The following ITPRID2 variants were observed in gnomAD, a reference collection of about 807,000 sequenced individuals.
The protein encoded by ITPRID2 is protein ITPRID2.
A neutral mutation model predicts 124.3 loss-of-function variants in ITPRID2; 60 were observed. The observed-to-expected ratio is 0.48, with a 90% CI of 0.39 to 0.60. The LOEUF (loss-of-function observed/expected upper bound fraction) is 0.60, where lower values mean the gene tolerates loss of function less well. ITPRID2 is among the 20% of genes least tolerant of loss of function. The probability of loss-of-function intolerance (pLI) is 0.00; values close to 1 mark genes in which losing one functional copy is unlikely to be tolerated. For missense variants in ITPRID2, 1,553 were observed against 1,512.2 expected (o/e 1.03, Z -0.45); for synonymous variants, 521 against 542.9 (o/e 0.96, Z 0.56).
intron 9 of ITPRID2, among the ~76,000 whole-genome samples, chr2:181,913,178 C>T (rs1490953572): frequency 6.6e-6 from 1 of 152,150 alleles, no homozygotes; most frequent in Admixed American, 6.5e-5. Context: ...CTCCATTCTC[C>T]TGCCTCAGCC....
At chr2:181,921,491 A>C (rs1428146222) in intron 15 of ITPRID2, among the ~76,000 whole-genome samples, 2 of 152,142 alleles carry the variant, frequency 1.3e-5, no homozygotes, top group Non-Finnish European at 2.9e-5. Context: ...AAAAAAAAGA[A>C]AATTGATTTT....
At chr2:181,903,198 A>G (rs187175065) in intron 8 of ITPRID2, among the ~76,000 whole-genome samples, 2 of 152,242 alleles carry the variant, frequency 1.3e-5, no homozygotes, top group African/African-American at 4.8e-5. Flanking sequence ...GGGCAGGAAA[A>G]CTGATTTTAC....
At position 181,891,838 on chromosome 2, in the gene ITPRID2, C is replaced by CTCGGGCCACTA. The variant is rs1195693533; in HGVS notation, c.-229_-228insTCGGGCCACTA. On this transcript the variant is annotated 5_prime_UTR_variant, in exon 1 of 18. Coordinates refer to ENST00000431877, the MANE Select transcript of ITPRID2 (RefSeq NM_001130445.3). ...CGCTCCCTCGGGCCACTAGCGCTCC[C>CTCGGGCCACTA]GCGCGCGCCCGGCCGCCTTCATGTG... The CTCGGGCCACTA allele has an allele frequency of 9.4e-6, 3 of 318,990 alleles. No homozygotes were observed. Among genetic ancestry groups the CTCGGGCCACTA allele is most frequent in the Non-Finnish European group, 1.5e-5 (3 of 199,456 alleles). 19.8% of individuals were successfully genotyped at this position (318,990 alleles called of 1,614,324 possible).
chr2:181,916,425 C>G lies in ITPRID2; in HGVS notation c.2785C>G (p.Gln929Glu), dbSNP rs1291839148. 6.2e-7 allele frequency: 1 copy of G among 1,610,468 alleles called. No individual in the cohort carries two copies. Among genetic ancestry groups the G allele is most frequent in the South Asian group, 1.1e-5 (1 of 90,850 alleles). The change falls in exon 11 of 18, where the codon CAG becomes GAG. Residue 929 changes from glutamine to glutamate, a missense_variant and splice_region_variant. Coordinates refer to ENST00000431877, the MANE Select transcript of ITPRID2 (RefSeq NM_001130445.3). ...DIRNSLQNLS[Q>E]YPMMRGPDPA... ...TAGAAACTCACTGCAGAATCTTTCACAGGTATGAGAAAAAGTATGTTATCA... is the reference window on the plus strand; with the variant it reads ...TAGAAACTCACTGCAGAATCTTTCAGAGGTATGAGAAAAAGTATGTTATCA...
intron 15 of ITPRID2, 96 bp downstream of exon 15, chr2:181,920,758 A>G (rs890443182): frequency 9.9e-6 from 9 of 911,468 alleles, no homozygotes; most frequent in African/African-American, 1.7e-5. Context: ...TGTTTATTTT[A>G]AATACATAAT....
rs139261117 is a variant in ITPRID2 at position 181,909,889 on chromosome 2, T to C, written c.1414-10T>C. ...TCATTTGGTTTTAACTACTTAAAAC[T>C]CTTCTTAAGGTTCAAAGTACGGAGG... On this transcript the variant is annotated splice_polypyrimidine_tract_variant and intron_variant, in intron 8 of 17. Transcript: ENST00000431877. The C allele has an allele frequency of 6.1e-5, 98 of 1,611,336 alleles. 1 individual carries two copies. The East Asian group carries it at 1.6e-3, about 26-fold the overall frequency.
chr2:181,895,876 T>C (rs1342142557), intron 2 of ITPRID2, among the ~76,000 whole-genome samples, 154 bp from the exon 3 acceptor site: 2 of 152,074 alleles, frequency 1.3e-5, no homozygotes, highest in African/African-American at 2.4e-5. Flanking sequence ...ATATTACTTA[T>C]GTAATCTACT....
At chr2:181,921,834 T>A (rs1694500987) in intron 15 of ITPRID2, 114 bp from the exon 16 acceptor site, 4 of 909,930 alleles carry the variant, frequency 4.4e-6, no homozygotes, top group Non-Finnish European at 6.6e-6. Flanking sequence ...GGAATAGATT[T>A]ATGTCTTTAC....
chr2:181,928,118 A>T (rs1183779347), intron 16 of ITPRID2, 43 bp from the exon 17 acceptor site: 1 of 1,307,222 alleles, frequency 7.6e-7, no homozygotes, highest in African/African-American at 1.5e-5. Flanking sequence ...AATGAATTCC[A>T]TTCATATTGG....
At chr2:181,928,125 T>G in intron 16 of ITPRID2, 36 bp from the exon 17 acceptor site, 1 of 1,345,052 alleles carries the variant, frequency 7.4e-7, no homozygotes, top group Non-Finnish European at 1.0e-6. Context: ...TCCATTCATA[T>G]TGGTAAATTT....
At chr2:181,895,394 A>T (rs565648366) in intron 2 of ITPRID2, among the ~76,000 whole-genome samples, 1 of 152,228 alleles carries the variant, frequency 6.6e-6, no homozygotes, top group East Asian at 1.9e-4. Flanking sequence ...TTGATTCTCA[A>T]GTCAACTTTT....
intron 16 of ITPRID2, among the ~76,000 whole-genome samples, chr2:181,923,501 G>A (rs1694633987): frequency 6.6e-6 from 1 of 151,896 alleles, no homozygotes; most frequent in Non-Finnish European, 1.5e-5. Context: ...TTGTAAATTG[G>A]TTTTGGCTGC....
At position 181,907,620 on chromosome 2, in the gene ITPRID2, C is replaced by T. The variant is rs562587325; in HGVS notation, c.1414-2279C>T. On this transcript the variant is annotated intron_variant, in intron 8 of 17. Coordinates refer to ENST00000431877, the MANE Select transcript of ITPRID2 (RefSeq NM_001130445.3). The surrounding 1 kb of genome is among the most constrained non-coding windows in gnomAD (Gnocchi z 5.1). ...CTTATAGCAAATGACCAGAATTCTA[C>T]GGAGCATTTGAAACCACTGAATAGG... Among the ~76,000 whole-genome samples the T allele has an allele frequency of 2.3e-4, 35 of 152,198 alleles. No homozygotes were observed. The East Asian group carries it at 4.6e-3, about 20-fold the overall frequency.
chr2:181,900,278 A>G (rs1030390886), intron 6 of ITPRID2, among the ~76,000 whole-genome samples: 4 of 152,222 alleles, frequency 2.6e-5, no homozygotes, highest in African/African-American at 9.6e-5. Context: ...CAAGGATAAC[A>G]GAAAAGCTCA....
intron 8 of ITPRID2, among the ~76,000 whole-genome samples, chr2:181,906,147 A>T (rs1050642792): frequency 5.9e-5 from 9 of 152,136 alleles, no homozygotes; most frequent in Non-Finnish European, 1.2e-4. Context: ...ACGGAAAGAG[A>T]TACTTTATTC....
chr2:181,929,718 T>G lies in ITPRID2; in HGVS notation c.*171T>G. ...TTCAACCATATATTTTAAAAAGACGTACATAGAAACTTAGGCACTTTGCTA... is the reference window on the plus strand; with the variant it reads ...TTCAACCATATATTTTAAAAAGACGGACATAGAAACTTAGGCACTTTGCTA... On this transcript the variant is annotated 3_prime_UTR_variant, in exon 18 of 18. Coordinates refer to ENST00000431877, the MANE Select transcript of ITPRID2 (RefSeq NM_001130445.3). The G allele has an allele frequency of 1.6e-6, 2 of 1,223,262 alleles. No individual in the cohort carries two copies. Among genetic ancestry groups the G allele is most frequent in the African/African-American group, 3.1e-5 (2 of 65,436 alleles). The allele number at this position is 1,223,262 out of a possible 1,614,324, so 75.8% of individuals were successfully genotyped here. A position where few individuals can be genotyped will look rare whatever the true frequency, so the allele number is the denominator to read the frequency against.
In ITPRID2 at chr2:181,910,974, A is replaced by G. The variant is rs1284472562; in HGVS notation, c.1486+1003A>G. On this transcript the variant is annotated intron_variant, in intron 9 of 17. Coordinates refer to ENST00000431877, the MANE Select transcript of ITPRID2 (RefSeq NM_001130445.3). The surrounding 1 kb of genome is among the most constrained non-coding windows in gnomAD (Gnocchi z 4.1). ...AAGTGTTTGCTTTAGATAGGTAGACAGGGGATACATTGGAAAAAGCAGCTT... is the reference window on the plus strand; with the variant it reads ...AAGTGTTTGCTTTAGATAGGTAGACGGGGGATACATTGGAAAAAGCAGCTT... 2.0e-5 allele frequency among the ~76,000 whole-genome samples: 3 copies of G among 152,158 alleles called. No individual in the cohort carries two copies. The highest frequency in any genetic ancestry group is 4.4e-5 in the Non-Finnish European group (3 of 67,996).
rs1432574480 is a variant in ITPRID2 at position 181,892,711 on chromosome 2, GACGCCGGAGCAGAGCCA to G, written c.257+52_257+68del. 1 of 1,610,580 alleles carries G rather than the reference GACGCCGGAGCAGAGCCA, an allele frequency of 6.2e-7. No homozygotes were observed. The highest frequency in any genetic ancestry group is 1.3e-5 in the African/African-American group (1 of 74,860). On this transcript the variant is annotated intron_variant, in intron 2 of 17. Coordinates refer to ENST00000431877, the MANE Select transcript of ITPRID2 (RefSeq NM_001130445.3). The surrounding 1 kb of genome is among the most constrained non-coding windows in gnomAD (Gnocchi z 5.2). ...TCCCGGGGGAGATCCGTGCGGACGG[GACGCCGGAGCAGAGCCA>G]CTCGGGCCGCGTCCCTGTGGGTCCC...
rs965433924 is a variant in ITPRID2 at position 181,896,612 on chromosome 2, A to G, written c.308-296A>G. 2.0e-5 allele frequency among the ~76,000 whole-genome samples: 3 copies of G among 152,118 alleles called. No homozygotes were observed. Among genetic ancestry groups the G allele is most frequent in the African/African-American group, 4.8e-5 (2 of 41,572 alleles). On this transcript the variant is annotated intron_variant, in intron 3 of 17. Coordinates refer to ENST00000431877, the MANE Select transcript of ITPRID2 (RefSeq NM_001130445.3). The surrounding 1 kb of genome is among the most constrained non-coding windows in gnomAD (Gnocchi z 4.3). ...TATTTGCTCCAGGATCTGGTTTTCC[A>G]TGAAACTCTTGGTATGTAGTCTGAT...
Sources: gnomAD v4.1 joint callset for allele counts (sites outside exome capture counted in the v4.1 genomes callset) on GRCh38, gnomAD v4.1.1 for gene constraint, Gnocchi (gnomAD v3.1) non-coding constraint, MANE v1.5 for transcripts, NCBI Gene and HGNC (gene_info 2026-07-23, HGNC 2026-07-21) for gene names.